Variants in SATB1 observed in about 807,000 individuals in gnomAD.
SATB1 encodes the protein SATB homeobox 1, also known as DNA-binding protein SATB1.
A neutral mutation model predicts 86.9 loss-of-function variants in SATB1; 11 were observed. The ratio of observed to expected loss-of-function variants is 0.13; its 90% CI spans 0.08 to 0.21. The LOEUF (loss-of-function observed/expected upper bound fraction) is 0.21, where lower values mean the gene tolerates loss of function less well. Ranked by LOEUF, SATB1 falls within the 10% of genes least tolerant of loss-of-function variation. The pLI, the probability that SATB1 is intolerant of heterozygous loss-of-function variation, is 1.00. For synonymous variants in SATB1, 357 were observed against 357.2 expected (o/e 1.00, Z 0.01); for missense variants, 551 against 937.6 (o/e 0.59, Z 5.39).
At chr3:18,398,040 A>T (rs1337083925) in intron 5 of SATB1, among the ~76,000 whole-genome samples, 1 of 152,198 alleles carries the variant, frequency 6.6e-6, no homozygotes, top group East Asian at 1.9e-4. Flanking sequence ...GATCATAAAA[A>T]TTTTAAATTT....
intron 9 of SATB1, among the ~76,000 whole-genome samples, chr3:18,359,558 G>A (rs527466831): frequency 3.3e-5 from 5 of 151,712 alleles, no homozygotes; most frequent in Admixed American, 1.3e-4. Context: ...TCATATATAC[G>A]TCAAACCTGC....
Position 18,352,481 on chromosome 3 carries a change from A to T in SATB1, c.1576-286T>A. ...TTTATCACAGATTTTTTAATATATG[A>T]AATAGGAGAAAAACAAAGTTGATGT... On this transcript the variant is annotated intron_variant, in intron 9 of 10. Coordinates refer to ENST00000338745, the MANE Select transcript of SATB1 (RefSeq NM_002971.6). The surrounding 1 kb of genome is among the most constrained non-coding windows in gnomAD (Gnocchi z 4.1). 1 of 334,004 alleles carries T rather than the reference A, an allele frequency of 3.0e-6. No homozygotes were observed. The highest frequency in any genetic ancestry group is 5.7e-5 in the East Asian group (1 of 17,488). The allele number at this position is 334,004 out of a possible 1,614,324, so 20.7% of individuals were successfully genotyped here.
intron 2 of SATB1, chr3:18,417,834 T>A (rs997888712): frequency 1.8e-6 from 1 of 563,226 alleles, no homozygotes; most frequent in African/African-American, 1.9e-5. Flanking sequence ...AAATGAGAGA[T>A]AGAAAAGGAA....
intron 2 of SATB1, among the ~76,000 whole-genome samples, chr3:18,419,429 G>A (rs1698279250): frequency 6.6e-6 from 1 of 152,198 alleles, no homozygotes. Flanking sequence ...ATGAGCCTGT[G>A]TAAACAGCAC....
intron 5 of SATB1, among the ~76,000 whole-genome samples, chr3:18,402,220 CAGT>C (rs1300434651): frequency 2.0e-5 from 3 of 151,986 alleles, no homozygotes; most frequent in Admixed American, 2.0e-4. Flanking sequence ...TTGTTCATCT[CAGT>C]AGCCAATGAA....
chr3:18,417,203 G>A (rs749551462), intron 2 of SATB1, 125 bp from the exon 3 acceptor site: 30 of 902,494 alleles, frequency 3.3e-5, no homozygotes, highest in Non-Finnish European at 4.7e-5. Flanking sequence ...GTGCTTCCAA[G>A]GCAGACTGGG....
rs370404156 is a variant in SATB1 at position 18,420,978 on chromosome 3, T to C, written c.-11A>G. On this transcript the variant is annotated 5_prime_UTR_variant, in exon 2 of 11. Coordinates refer to ENST00000338745, the MANE Select transcript of SATB1 (RefSeq NM_002971.6). ...GTTCAAATGATCCATACTCAGTCAC[T>C]GTCTAAAGATCACCTGCCAGAATTT... 21 of 1,612,792 alleles carry C rather than the reference T, an allele frequency of 1.3e-5. No individual in the cohort carries two copies. Among genetic ancestry groups the C allele is most frequent in the African/African-American group, 1.2e-4 (9 of 74,898 alleles).
intron 8 of SATB1, among the ~76,000 whole-genome samples, chr3:18,383,324 A>T (rs1696154900): frequency 6.6e-6 from 1 of 152,172 alleles, no homozygotes. Context: ...GTCCTTCAAT[A>T]GTTTAGGTCC....
intron 2 of SATB1, among the ~76,000 whole-genome samples, chr3:18,420,375 G>A (rs1042409125): frequency 2.6e-5 from 4 of 152,104 alleles, no homozygotes; most frequent in African/African-American, 7.2e-5. Context: ...AGAATCTTAG[G>A]AAGAAGCTAG....
intron 9 of SATB1, among the ~76,000 whole-genome samples, chr3:18,359,754 C>G (rs1288475323): frequency 6.6e-6 from 1 of 151,650 alleles, no homozygotes; most frequent in East Asian, 1.9e-4. Flanking sequence ...TATGCACTTT[C>G]TCTTCAAATG....
At chr3:18,351,923 C>T in intron 10 of SATB1, 69 bp downstream of exon 10, 1 of 1,478,228 alleles carries the variant, frequency 6.8e-7, no homozygotes, top group Non-Finnish European at 9.4e-7. Context: ...AAGAGAAACG[C>T]TAATTTCCCT....
At chr3:18,365,001 G>C (rs1035111913) in intron 9 of SATB1, among the ~76,000 whole-genome samples, 2 of 152,082 alleles carry the variant, frequency 1.3e-5, no homozygotes, top group Admixed American at 1.3e-4. Flanking sequence ...TAGGGTTAAG[G>C]GGTTGATGAG....
intron 8 of SATB1, among the ~76,000 whole-genome samples, chr3:18,382,942 CTCATT>C (rs1696137130): frequency 6.6e-6 from 1 of 152,218 alleles, no homozygotes; most frequent in Non-Finnish European, 1.5e-5. Context: ...ACTTGGTTTT[CTCATT>C]TTTCTTCTAG....
At chr3:18,406,105 G>C (rs1455005898) in intron 5 of SATB1, among the ~76,000 whole-genome samples, 1 of 151,984 alleles carries the variant, frequency 6.6e-6, no homozygotes, top group Admixed American at 6.6e-5. Context: ...CTGAGCTGGT[G>C]ATCACGCAGA....
chr3:18,366,365 G>A (rs929880967), intron 9 of SATB1, among the ~76,000 whole-genome samples: 4 of 151,086 alleles, frequency 2.6e-5, no homozygotes, highest in African/African-American at 7.3e-5. Context: ...CTCATCAATC[G>A]AGTATTCTCA....
chr3:18,376,785 T>C (rs1695779501), intron 9 of SATB1, among the ~76,000 whole-genome samples: 2 of 152,204 alleles, frequency 1.3e-5, no homozygotes, highest in Admixed American at 6.6e-5. Context: ...TTACATTCCA[T>C]GAGAGATTAC....
Position 18,352,274 on chromosome 3 carries a change from A to T in SATB1, c.1576-79T>A. On this transcript the variant is annotated intron_variant, in intron 9 of 10. Transcript: ENST00000338745. This position sits in a 1 kb window ranked among gnomAD's most constrained non-coding sequence, Gnocchi z 4.1. ...TTTCCATTAGGAGCTAAAAAGGAAA[A>T]ACCCTATGAATTAACTTTTTCATAA... 1 of 1,262,788 alleles carries T rather than the reference A, an allele frequency of 7.9e-7. No homozygotes were observed. The highest frequency in any genetic ancestry group is 1.1e-6 in the Non-Finnish European group (1 of 881,202). 78.2% of individuals were successfully genotyped at this position (1,262,788 alleles called of 1,614,324 possible).
chr3:18,373,784 T>C (rs1695594843), intron 9 of SATB1, among the ~76,000 whole-genome samples: 1 of 152,208 alleles, frequency 6.6e-6, no homozygotes, highest in Non-Finnish European at 1.5e-5. Context: ...CTTTAAATTA[T>C]TCAGTCTCTT....
intron 8 of SATB1, among the ~76,000 whole-genome samples, chr3:18,385,737 A>C (rs1696311207): frequency 6.6e-6 from 1 of 152,216 alleles, no homozygotes; most frequent in Non-Finnish European, 1.5e-5. Context: ...GAATTATAAC[A>C]GTTATGAGGT....
Sources: allele counts gnomAD v4.1 joint callset (sites outside exome capture counted in the v4.1 genomes callset), GRCh38; gene constraint gnomAD v4.1.1; non-coding constraint Gnocchi (gnomAD v3.1); transcripts MANE v1.5; gene names NCBI Gene and HGNC (gene_info 2026-07-23, HGNC 2026-07-21).